The following CATSPERT variants were observed in gnomAD, a reference collection of about 807,000 sequenced individuals.
CATSPERT encodes the protein catsper channel auxiliary subunit tau, also known as cation channel sperm-associated targeting subunit tau.
the CATSPERT span, among the ~76,000 whole-genome samples, chr2:201,528,236 G>T: frequency 6.6e-6 from 1 of 152,092 alleles, no homozygotes; most frequent in East Asian, 1.9e-4. Flanking sequence ...ATTCAGAATG[G>T]CTATTATTAA....
the CATSPERT span, among the ~76,000 whole-genome samples, chr2:201,512,653 T>C: frequency 2.0e-5 from 3 of 152,168 alleles, no homozygotes; most frequent in African/African-American, 7.2e-5. Flanking sequence ...TATTCCATTG[T>C]ATGGATGTAC....
the CATSPERT span, chr2:201,535,307 C>T: frequency 2.0e-6 from 2 of 984,868 alleles, no homozygotes; most frequent in Non-Finnish European, 2.4e-6. Flanking sequence ...TCTTTATCTT[C>T]TGACCTATAT....
the CATSPERT span, among the ~76,000 whole-genome samples, chr2:201,515,192 T>G: frequency 1.4e-5 from 2 of 142,704 alleles, no homozygotes; most frequent in Non-Finnish European, 3.0e-5. Context: ...GTGTTGTGAA[T>G]CTGCCCATAG....
chr2:201,502,562 A>G, the CATSPERT span, among the ~76,000 whole-genome samples: 43 of 132,628 alleles, frequency 3.2e-4, no homozygotes, highest in Admixed American at 5.8e-4. Context: ...ACAGAGTAAG[A>G]CTCCATCTCA....
the CATSPERT span, among the ~76,000 whole-genome samples, chr2:201,546,643 G>A: frequency 1.3e-5 from 2 of 152,128 alleles, no homozygotes; most frequent in Non-Finnish European, 2.9e-5. Context: ...AAAAAGGGTA[G>A]ATGAAGATGT....
the CATSPERT span, chr2:201,618,811 C>G: frequency 8.4e-7 from 1 of 1,184,678 alleles, no homozygotes; most frequent in Non-Finnish European, 1.2e-6. Flanking sequence ...GCAATTGGCA[C>G]ACATTGAACC....
the CATSPERT span, among the ~76,000 whole-genome samples, chr2:201,569,774 C>T: frequency 2.0e-5 from 3 of 152,180 alleles, no homozygotes; most frequent in African/African-American, 4.8e-5. Flanking sequence ...CTACATTAAT[C>T]GAGCATTTCT....
At chr2:201,501,189 G>A in the CATSPERT span, among the ~76,000 whole-genome samples, 2 of 151,424 alleles carry the variant, frequency 1.3e-5, no homozygotes, top group Admixed American at 6.6e-5. Context: ...ACCTGAGATC[G>A]GGAGTTCGAG....
At chr2:201,574,010 A>C in the CATSPERT span, among the ~76,000 whole-genome samples, 1 of 152,250 alleles carries the variant, frequency 6.6e-6, no homozygotes, top group Non-Finnish European at 1.5e-5. Flanking sequence ...TTGCTTTAAA[A>C]TGTATAAACA....
At chr2:201,600,327 A>G in the CATSPERT span, among the ~76,000 whole-genome samples, 1 of 152,200 alleles carries the variant, frequency 6.6e-6, no homozygotes, top group African/African-American at 2.4e-5. Flanking sequence ...TTAGCAAACT[A>G]TCACAAGGAC....
chr2:201,493,371 C>T, the CATSPERT span: 1 of 1,536,856 alleles, frequency 6.5e-7, no homozygotes, highest in South Asian at 1.2e-5. Context: ...TGGGTATACT[C>T]TGCTCAGAAA....
chr2:201,508,808 G>T, the CATSPERT span, among the ~76,000 whole-genome samples: 1 of 137,446 alleles, frequency 7.3e-6, no homozygotes, highest in Non-Finnish European at 1.6e-5. Flanking sequence ...AGCATGTGAC[G>T]AGATTTCTTT....
At chr2:201,541,644 G>A in the CATSPERT span, among the ~76,000 whole-genome samples, 1 of 149,366 alleles carries the variant, frequency 6.7e-6, no homozygotes, top group African/African-American at 2.5e-5. Context: ...TACCCAGGCT[G>A]GAGTGCAGTG....
the CATSPERT span, among the ~76,000 whole-genome samples, chr2:201,560,358 G>A: frequency 6.6e-6 from 1 of 151,676 alleles, no homozygotes; most frequent in African/African-American, 2.4e-5. Flanking sequence ...AGGAGGTGGA[G>A]GTTGCAGTGA....
At chr2:201,562,583 T>C in the CATSPERT span, among the ~76,000 whole-genome samples, 5 of 148,490 alleles carry the variant, frequency 3.4e-5, no homozygotes, top group East Asian at 4.0e-4. Flanking sequence ...GGCAGGGTCA[T>C]AGGACAATAG....
chr2:201,563,334 C>T, the CATSPERT span, among the ~76,000 whole-genome samples: 1 of 137,480 alleles, frequency 7.3e-6, no homozygotes, highest in Admixed American at 7.2e-5. Flanking sequence ...CCCCCACCTC[C>T]CTCCCGGACT....
chr2:201,517,537 CCA>C, the CATSPERT span, among the ~76,000 whole-genome samples: 51 of 152,186 alleles, frequency 3.4e-4, no homozygotes, highest in Non-Finnish European at 3.1e-4. Context: ...AGTTATCCTG[CCA>C]CAGTTTTATA....
At chr2:201,560,649 T>G in the CATSPERT span, among the ~76,000 whole-genome samples, 1 of 152,086 alleles carries the variant, frequency 6.6e-6, no homozygotes, top group Admixed American at 6.5e-5. Flanking sequence ...TATCACATTA[T>G]GAGAGTTCCA....
the CATSPERT span, chr2:201,492,906 T>C: frequency 1.3e-6 from 2 of 1,536,710 alleles, no homozygotes; most frequent in Non-Finnish European, 1.7e-6. Flanking sequence ...TTAAATGTTT[T>C]ACTTCTGACT....
Sources: gnomAD v4.1 joint callset for allele counts (sites outside exome capture counted in the v4.1 genomes callset) on GRCh38, gnomAD v4.1.1 for gene constraint, MANE v1.5 for transcripts, NCBI Gene and HGNC (gene_info 2026-07-23, HGNC 2026-07-21) for gene names.